Variants in COQ8B observed in about 807,000 individuals in gnomAD.
COQ8B encodes coenzyme Q8B.
A neutral mutation model predicts 62.0 loss-of-function variants in COQ8B; 44 were observed. The ratio of observed to expected loss-of-function variants is 0.71; its 90% CI spans 0.56 to 0.91. COQ8B has a LOEUF of 0.91. Among genes scored for constraint, COQ8B ranks in the 40% least tolerant of loss-of-function variants. The pLI is 0.00. For missense variants in COQ8B, 649 were observed against 731.6 expected, an observed-to-expected ratio of 0.89 and a Z score of 1.30; for synonymous variants, 252 against 289.9, an observed-to-expected ratio of 0.87 and a Z score of 1.33.
At position 40,702,804 on chromosome 19, in the gene COQ8B, C is replaced by T. The variant is rs1459997080; in HGVS notation, c.800-111G>A. On this transcript the variant is annotated intron_variant, in intron 9 of 14. Transcript: ENST00000324464. ...CCCGCGCTGTCCCTCACAGCTCCTACTCTAGGCCTGTGACCCACATCTGTC... is the reference window on the plus strand; with the variant it reads ...CCCGCGCTGTCCCTCACAGCTCCTATTCTAGGCCTGTGACCCACATCTGTC... 4.2e-6 allele frequency: 4 copies of T among 957,410 alleles called. No homozygotes were observed. In the East Asian group the frequency reaches 1.0e-4, roughly 25 times the overall value. 59.3% of individuals were successfully genotyped at this position (957,410 alleles called of 1,614,324 possible).
intron 5 of COQ8B, among the ~76,000 whole-genome samples, chr19:40,708,930 CA>C (rs59768127): frequency 4.7e-4 from 68 of 144,662 alleles, no homozygotes; most frequent in African/African-American, 8.4e-4. Flanking sequence ...ACCCTGTCTC[CA>C]AAAAAAAAAA....
At chr19:40,697,875 G>GAGAGAGAGAGAGAGAGAGAGAC (rs58313890) in intron 12 of COQ8B, among the ~76,000 whole-genome samples, 1,555 of 102,548 alleles carry the variant, frequency 0.015, 62 homozygotes, top group East Asian at 0.028. Context: ...GAGAGAGAGA[G>GAGAGAGAGAGAGAGAGAGAGAC]AGTTTCTACT....
At chr19:40,703,456 C>G in intron 9 of COQ8B, 85 bp downstream of exon 9, 1 of 1,380,958 alleles carries the variant, frequency 7.2e-7, no homozygotes, top group Non-Finnish European at 9.7e-7. Flanking sequence ...CCTGCCCGTG[C>G]TCTCCTCTGG....
intron 12 of COQ8B, among the ~76,000 whole-genome samples, chr19:40,696,494 G>A (rs1041403500): frequency 7.2e-5 from 11 of 151,846 alleles, no homozygotes; most frequent in Admixed American, 6.6e-5. Flanking sequence ...GTGAAATCCC[G>A]TCTCTACTAA....
At chr19:40,695,620 G>T (rs1209627740) in intron 13 of COQ8B, among the ~76,000 whole-genome samples, 5 of 152,160 alleles carry the variant, frequency 3.3e-5, no homozygotes, top group Non-Finnish European at 7.3e-5. Context: ...TCTTAGGAGG[G>T]AGCTGGGCAG....
At chr19:40,697,825 TA>T (rs2082026322) in intron 12 of COQ8B, among the ~76,000 whole-genome samples, 1 of 55,170 alleles carries the variant, frequency 1.8e-5, no homozygotes, top group Non-Finnish European at 3.7e-5. Flanking sequence ...AATAAAATTA[TA>T]TATATATATA....
rs1490801439 is a variant in COQ8B at position 40,714,062 on chromosome 19, C to A, written c.289+5G>T. ...CACACCAAGATCCCCCAAAGTCACACCTACCCCCAAAGTTGGCCAAGCGGC... is the reference window on the plus strand; with the variant it reads ...CACACCAAGATCCCCCAAAGTCACAACTACCCCCAAAGTTGGCCAAGCGGC... On this transcript the variant is annotated splice_donor_5th_base_variant and intron_variant, in intron 4 of 14. Transcript: ENST00000324464. 6.2e-7 allele frequency: 1 copy of A among 1,614,012 alleles called. No homozygotes were observed. The highest frequency in any genetic ancestry group is 1.1e-5 in the South Asian group (1 of 91,086).
rs1000981334 is a variant in COQ8B, at chr19:40,700,101, C to G, written c.1109G>C (p.Trp370Ser). ...GGAGGCATCATACAGGAAGTTGGCCCAGTTGGGGTCAGTCTGCATGAATCG... is the reference window on the plus strand; with the variant it reads ...GGAGGCATCATACAGGAAGTTGGCCGAGTTGGGGTCAGTCTGCATGAATCG... The part of the protein sequence containing the change: ...EFRFMQTDPN[W>S]ANFLYDASSH... Residue 370 changes from tryptophan to serine, a missense_variant, in exon 12 of 15, where the codon TGG (tryptophan) becomes TCG (serine). Physicochemically the swap from Trp to Ser is radical, Grantham distance 177. Transcript: ENST00000324464. The G allele has an allele frequency of 6.2e-7, 1 of 1,614,114 alleles. No individual in the cohort carries two copies. Among genetic ancestry groups the G allele is most frequent in the African/African-American group, 1.3e-5 (1 of 74,936 alleles).
In COQ8B at chr19:40,705,024, G is replaced by A. The variant is rs113398730; in HGVS notation, c.576+72C>T. ...CAGAGGCAGGGAGTGGGGCAGTGAA[G>A]CCAGGAAGGTCAGGCAGGTCAGAGG... On this transcript the variant is annotated intron_variant, in intron 7 of 14. Transcript: ENST00000324464. 2.3e-5 allele frequency: 33 copies of A among 1,411,522 alleles called. 1 individual carries two copies. The African/African-American group carries it at 3.1e-4, about 13-fold the overall frequency. The allele number at this position is 1,411,522 out of a possible 1,614,324, so 87.4% of individuals were successfully genotyped here. A position where few individuals can be genotyped will look rare whatever the true frequency, so the allele number is the denominator to read the frequency against.
intron 5 of COQ8B, 88 bp downstream of exon 5, chr19:40,709,971 G>A: frequency 7.2e-7 from 1 of 1,386,106 alleles, no homozygotes; most frequent in Non-Finnish European, 1.0e-6. Flanking sequence ...TTCCGCATGA[G>A]GAAACTGGAG....
chr19:40,709,770 A>G (rs2082126736), intron 5 of COQ8B, among the ~76,000 whole-genome samples: 1 of 152,090 alleles, frequency 6.6e-6, no homozygotes, highest in Non-Finnish European at 1.5e-5. Context: ...TAAACCTGGG[A>G]GGTGGAGGTT....
intron 1 of COQ8B, among the ~76,000 whole-genome samples, chr19:40,716,240 C>T (rs1484516795): frequency 1.3e-5 from 2 of 152,146 alleles, no homozygotes; most frequent in Non-Finnish European, 2.9e-5. Context: ...AATTTCAAGA[C>T]AAACCACCTC....
At chr19:40,693,954 C>G (rs950404008) in intron 13 of COQ8B, among the ~76,000 whole-genome samples, 1 of 152,164 alleles carries the variant, frequency 6.6e-6, no homozygotes, top group Admixed American at 6.5e-5. Flanking sequence ...TCTGCTCCCC[C>G]TGCCCGAGCA....
intron 10 of COQ8B, 106 bp downstream of exon 10, chr19:40,702,494 A>G: frequency 1.0e-6 from 1 of 980,162 alleles, no homozygotes; most frequent in Non-Finnish European, 1.6e-6. Context: ...AGAAAGAGAG[A>G]GTTTGCCCTA....
intron 9 of COQ8B, 114 bp from the exon 10 acceptor site, chr19:40,702,807 T>C: frequency 1.1e-6 from 1 of 916,442 alleles, no homozygotes; most frequent in Non-Finnish European, 1.7e-6. Context: ...GCTCCTACTC[T>C]AGGCCTGTGA....
chr19:40,692,999 G>A lies in COQ8B; in HGVS notation c.1248C>T (p.Val416=), dbSNP rs2081986022. ...ATTTGAGGTCCCTGGACTTCTGCAG[G>A]ACACAGTCTCTGTCTCCATCAGCTG... ...KAAADGDRDC[V]LQKSRDLKFL... Residue 416 remains valine (V), a synonymous_variant, in exon 14 of 15, where the codon GTC becomes GTT. Coordinates refer to ENST00000324464, the MANE Select transcript of COQ8B (RefSeq NM_024876.4). The A allele has an allele frequency of 6.2e-7, 1 of 1,613,878 alleles. No homozygotes were observed. Among genetic ancestry groups the A allele is most frequent in the Non-Finnish European group, 8.5e-7 (1 of 1,179,940 alleles).
intron 6 of COQ8B, 51 bp from the exon 7 acceptor site, chr19:40,705,232 A>T (rs377527612): frequency 6.2e-7 from 1 of 1,600,614 alleles, no homozygotes; most frequent in Non-Finnish European, 8.5e-7. Flanking sequence ...GTGAGGAGGG[A>T]CCCCGTGTGA....
chr19:40,704,259 C>T (rs191180870), intron 7 of COQ8B: 126 of 167,468 alleles, frequency 7.5e-4, no homozygotes, highest in Non-Finnish European at 1.5e-3. Context: ...AAGCCATCCT[C>T]CTGCCTCCTG....
chr19:40,702,822 C>G (rs991395020), intron 9 of COQ8B, 129 bp from the exon 10 acceptor site: 15 of 791,942 alleles, frequency 1.9e-5, no homozygotes, highest in Admixed American at 1.8e-4. Flanking sequence ...CTGTGACCCA[C>G]ATCTGTCCCT....
Sources: allele counts gnomAD v4.1 joint callset (sites outside exome capture counted in the v4.1 genomes callset), GRCh38; gene constraint gnomAD v4.1.1; transcripts MANE v1.5; gene names NCBI Gene and HGNC (gene_info 2026-07-23, HGNC 2026-07-21).